Variants in HEATR6 observed in about 807,000 individuals in gnomAD.
The protein encoded by HEATR6 is HEAT repeat containing 6.
Under a neutral mutation model 132.8 loss-of-function variants are expected in HEATR6, and 106 were observed. That is an observed-to-expected ratio of 0.80 (90% CI 0.68 to 0.94). The LOEUF (loss-of-function observed/expected upper bound fraction) is 0.94, where lower values mean the gene tolerates loss of function less well. HEATR6 is among the 40% of genes least tolerant of loss of function. The probability of loss-of-function intolerance (pLI) is 0.00; values close to 1 mark genes in which losing one functional copy is unlikely to be tolerated. For synonymous variants in HEATR6, 529 were observed against 537.8 expected (o/e 0.98, Z 0.23); for missense variants, 1,339 against 1,425.1 (o/e 0.94, Z 0.97).
chr17:60,056,132 G>A lies in HEATR6; in HGVS notation c.2185C>T (p.Gln729Ter). 1.2e-6 allele frequency: 2 copies of A among 1,614,034 alleles called. No individual in the cohort carries two copies. The highest frequency in any genetic ancestry group is 1.7e-6 in the Non-Finnish European group (2 of 1,179,962). The change falls in exon 13 of 20, where the codon CAG (glutamine) becomes TAG (stop). Residue 729 changes from glutamine (Q) to a stop codon, truncating the protein, a stop_gained. Transcript: ENST00000184956. LOFTEE classifies it high-confidence loss of function. ...AAAATTACCTTTGCTCCATGAAGCT[G>A]AATGGATGGATCTGCTTCCCCCATG... ...KCMGEADPSI[Q>*]LHGAKLLEEL...
chr17:60,069,673 A>G (rs1336620228), intron 7 of HEATR6, 38 bp downstream of exon 7: 3 of 1,593,780 alleles, frequency 1.9e-6, no homozygotes, highest in East Asian at 2.2e-5. Context: ...TCTATTAAAA[A>G]TAAGCCACAA....
At chr17:60,070,576 G>T in intron 6 of HEATR6, 130 bp downstream of exon 6, 4 of 488,766 alleles carry the variant, frequency 8.2e-6, no homozygotes, top group South Asian at 4.4e-5. Context: ...GAACATTTTT[G>T]TCTACTCTCT....
chr17:60,069,560 G>C (rs56047850), intron 7 of HEATR6, 151 bp downstream of exon 7: 1 of 679,236 alleles, frequency 1.5e-6, no homozygotes. Context: ...TTGAGCATCA[G>C]ATGAGTTTAA....
At position 60,073,880 on chromosome 17, in the gene HEATR6, C is replaced by T. The variant is rs757665724; in HGVS notation, c.334G>A (p.Val112Ile). Residue 112 changes from valine (V) to isoleucine (I), a missense_variant, in exon 3 of 20, where the codon GTT becomes ATT. Transcript: ENST00000184956. ...AGGAAATCCAAGTGCTGTTCATCAACAATTACCTAACAGGACAGGAAAAGA... is the reference window on the plus strand; with the variant it reads ...AGGAAATCCAAGTGCTGTTCATCAATAATTACCTAACAGGACAGGAAAAGA... ...HHLLNRLQVIVDEQHLDFLLA... is the reference protein window; with the variant it reads ...HHLLNRLQVIIDEQHLDFLLA... 22 of 1,612,624 alleles carry T rather than the reference C, an allele frequency of 1.4e-5. No individual in the cohort carries two copies. The highest frequency in any genetic ancestry group is 1.3e-4 in the East Asian group (6 of 44,846).
chr17:60,056,340 G>T, intron 12 of HEATR6, 103 bp from the exon 13 acceptor site: 3 of 1,043,608 alleles, frequency 2.9e-6, no homozygotes, highest in Middle Eastern at 2.1e-4. Flanking sequence ...TTTAACAGGG[G>T]CTGAAATCTG....
At chr17:60,046,342 T>C in intron 18 of HEATR6, 113 bp from the exon 19 acceptor site, 1 of 734,968 alleles carries the variant, frequency 1.4e-6, no homozygotes, top group Non-Finnish European at 2.2e-6. Flanking sequence ...AAGCAAGTCC[T>C]TGGAACTCAC....
intron 8 of HEATR6, 37 bp from the exon 9 acceptor site, chr17:60,066,423 A>C (rs1368356359): frequency 6.8e-7 from 1 of 1,464,214 alleles, no homozygotes; most frequent in African/African-American, 1.4e-5. Flanking sequence ...AAACACTTAA[A>C]AAATCATTTT....
rs897124081 is a variant in HEATR6, at chr17:60,042,297, G to A, written c.*1266C>T. 1.3e-5 allele frequency among the ~76,000 whole-genome samples: 2 copies of A among 152,232 alleles called. No individual in the cohort carries two copies. The highest frequency in any genetic ancestry group is 2.4e-5 in the African/African-American group (1 of 41,458). On this transcript the variant is annotated 3_prime_UTR_variant, in exon 20 of 20. Coordinates refer to ENST00000184956, the MANE Select transcript of HEATR6 (RefSeq NM_022070.5). ...GCAGGGAAGGTGGTCAGGGGAACAC[G>A]GGCACTCCAGAAGCTCGGAGCAGCA...
chr17:60,069,625 G>T, intron 7 of HEATR6, 86 bp downstream of exon 7: 1 of 1,276,870 alleles, frequency 7.8e-7, no homozygotes. Context: ...GGCTTTTAGG[G>T]TAGTAGTGAT....
At chr17:60,044,359 C>T (rs541472454) in intron 19 of HEATR6, among the ~76,000 whole-genome samples, 1 of 152,354 alleles carries the variant, frequency 6.6e-6, no homozygotes, top group East Asian at 1.9e-4. Context: ...CCTACCTCAG[C>T]CTGCCACACG....
chr17:60,056,372 A>C (rs997224289), intron 12 of HEATR6, 135 bp from the exon 13 acceptor site: 23 of 736,994 alleles, frequency 3.1e-5, no homozygotes, highest in Admixed American at 6.8e-5. Flanking sequence ...TAAGAACCAT[A>C]ATCTTTATTT....
In HEATR6 at chr17:60,042,082, C is replaced by T. The variant is rs1477522975; in HGVS notation, c.*1481G>A. On this transcript the variant is annotated 3_prime_UTR_variant, in exon 20 of 20. Transcript: ENST00000184956. ...ATAATTGGAAACCCCTCTTTGTAAC[C>T]AACTAACCAAATGATCTTTTCTTAA... Among the ~76,000 whole-genome samples the T allele has an allele frequency of 6.6e-6, 1 of 152,146 alleles. No homozygotes were observed. Among genetic ancestry groups the T allele is most frequent in the Non-Finnish European group, 1.5e-5 (1 of 68,026 alleles).
At chr17:60,057,973 T>C (rs1265095056) in intron 11 of HEATR6, among the ~76,000 whole-genome samples, 2 of 152,224 alleles carry the variant, frequency 1.3e-5, no homozygotes, top group Non-Finnish European at 2.9e-5. Context: ...TTGATCTGTT[T>C]GTCTCTTCCT....
At chr17:60,072,905 C>T (rs571960761) in intron 4 of HEATR6, among the ~76,000 whole-genome samples, 1 of 152,216 alleles carries the variant, frequency 6.6e-6, no homozygotes, top group South Asian at 2.1e-4. Flanking sequence ...CAATAGAAAA[C>T]AAAATTTTGA....
At position 60,044,133 on chromosome 17, in the gene HEATR6, C is replaced by T. The variant is rs1906283843; in HGVS notation, c.2976G>A (p.Gly992=). 6.3e-7 allele frequency: 1 copy of T among 1,599,562 alleles called. No homozygotes were observed. The highest frequency in any genetic ancestry group is 1.3e-5 in the African/African-American group (1 of 74,458). The change falls in exon 20 of 20, where the codon GGG becomes GGA. Residue 992 remains glycine (G), a splice_region_variant and synonymous_variant. Transcript: ENST00000184956. The part of the protein sequence containing the change: ...NVFKNPALPL[G]TAPWTSQAYN... ...AGGCCTGGGAGGTCCATGGGGCTGT[C>T]CCTAGAAAGAATCCACAGTCACTAA... is the stretch of plus-strand genomic sequence containing the variant.
At chr17:60,047,549 A>G in intron 17 of HEATR6, 144 bp from the exon 18 acceptor site, 1 of 406,454 alleles carries the variant, frequency 2.5e-6, no homozygotes. Context: ...AGAAACTTAC[A>G]TTATATATCT....
At chr17:60,046,298 C>T (rs1394297282) in intron 18 of HEATR6, 69 bp from the exon 19 acceptor site, 3 of 1,327,676 alleles carry the variant, frequency 2.3e-6, no homozygotes, top group South Asian at 2.9e-5. Context: ...CTAATTTCAG[C>T]TTTAAAAAAA....
intron 3 of HEATR6, among the ~76,000 whole-genome samples, 190 bp downstream of exon 3, chr17:60,073,556 G>A (rs1229467793): frequency 3.9e-5 from 6 of 152,112 alleles, no homozygotes; most frequent in Non-Finnish European, 8.8e-5. Context: ...TTTACCGAGG[G>A]CCATGAACTT....
Position 60,043,517 on chromosome 17 carries a change from G to A in HEATR6, c.*46C>T, listed in dbSNP as rs370995532. 3.0e-5 allele frequency: 43 copies of A among 1,453,598 alleles called. No individual in the cohort carries two copies. The African/African-American group carries it at 5.8e-4, about 19-fold the overall frequency. The allele number at this position is 1,453,598 out of a possible 1,614,324, so 90.0% of individuals were successfully genotyped here. A position where few individuals can be genotyped will look rare whatever the true frequency, so the allele number is the denominator to read the frequency against. Reference sequence around the variant, plus strand: ...CCACAGATCTTATGCTCAAGCTCAGGTCTTCCTACTGCCGCCTTCGACATC... The same window carrying A: ...CCACAGATCTTATGCTCAAGCTCAGATCTTCCTACTGCCGCCTTCGACATC... On this transcript the variant is annotated 3_prime_UTR_variant, in exon 20 of 20. Transcript: ENST00000184956.
Sources: gnomAD v4.1 joint callset for allele counts (sites outside exome capture counted in the v4.1 genomes callset) on GRCh38, gnomAD v4.1.1 for gene constraint, MANE v1.5 for transcripts, NCBI Gene and HGNC (gene_info 2026-07-23, HGNC 2026-07-21) for gene names.